APH1B: variants seen among roughly 807,000 people sequenced by gnomAD.
The protein encoded by APH1B is gamma-secretase subunit APH-1B.
APH1B carries 27 observed loss-of-function variants against 28.2 expected under a neutral mutation model. The observed-to-expected ratio is 0.96, with a 90% confidence interval of 0.70 to 1.32. The LOEUF (loss-of-function observed/expected upper bound fraction) is 1.32. Ranked by LOEUF, APH1B falls within the 40% of genes most tolerant of loss-of-function variation. The probability of loss-of-function intolerance (pLI) is 0.00; values close to 1 mark genes in which losing one functional copy is unlikely to be tolerated. For missense variants in APH1B, 305 were observed against 313.6 expected (o/e 0.97, Z 0.21); for synonymous variants, 141 against 124.6 (o/e 1.13, Z -0.88).
At chr15:63,287,792 A>G (rs896790621) in intron 4 of APH1B, among the ~76,000 whole-genome samples, 2 of 152,320 alleles carry the variant, frequency 1.3e-5, no homozygotes, top group East Asian at 1.9e-4. Context: ...ATGTTGCTAT[A>G]TAGTTGAAAT....
Position 63,277,685 on chromosome 15 carries a change from A to C in APH1B, c.62A>C (p.Tyr21Ser), listed in dbSNP as rs771874718. Reference protein sequence around the residue: ...FIAFGPALALYVFTIATEPLR... With the variant: ...FIAFGPALALSVFTIATEPLR... ...GCCTTCGGGCCTGCGCTCGCCCTTT[A>C]TGTCTTCACCATCGCCACCGAGCCG... The change falls in exon 1 of 6, where the codon TAT becomes TCT. Residue 21 changes from tyrosine to serine, a missense_variant. Tyr to Ser is a moderately radical substitution (Grantham distance 144). Transcript: ENST00000261879. 1.2e-6 allele frequency: 2 copies of C among 1,609,862 alleles called. No individual in the cohort carries two copies. Among genetic ancestry groups the C allele is most frequent in the Middle Eastern group, 1.7e-4 (1 of 6,044 alleles).
rs201001870 is a variant in APH1B at position 63,302,485 on chromosome 15, G to A, written c.606+13G>A. 493 of 1,611,242 alleles carry A rather than the reference G, an allele frequency of 3.1e-4. 2 individuals are homozygous for A. The highest frequency in any genetic ancestry group is 6.8e-4 in the Middle Eastern group (4 of 5,872). ...GGTGTCAGCCCAGGTGAGTGTTGCCGCCATGCTCAGACTGTATTCTGGAAC... is the reference window on the plus strand; with the variant it reads ...GGTGTCAGCCCAGGTGAGTGTTGCCACCATGCTCAGACTGTATTCTGGAAC... On this transcript the variant is annotated intron_variant, in intron 5 of 5. Transcript: ENST00000261879.
At chr15:63,289,857 A>G (rs1171920666) in intron 4 of APH1B, among the ~76,000 whole-genome samples, 1 of 152,196 alleles carries the variant, frequency 6.6e-6, no homozygotes, top group African/African-American at 2.4e-5. Context: ...TAAAAAATTC[A>G]GCTGGGTATG....
chr15:63,305,090 A>G (rs564528651), intron 5 of APH1B, among the ~76,000 whole-genome samples: 2 of 152,326 alleles, frequency 1.3e-5, no homozygotes, highest in South Asian at 4.1e-4. Flanking sequence ...CTCCCTTACT[A>G]GTACAGAACC....
intron 2 of APH1B, among the ~76,000 whole-genome samples, chr15:63,283,936 A>G (rs1483700967): frequency 2.6e-5 from 4 of 152,240 alleles, no homozygotes; most frequent in Admixed American, 2.0e-4. Flanking sequence ...CCATTTATTA[A>G]AAGACCATCT....
chr15:63,287,327 C>G (rs1307966283), intron 3 of APH1B, 97 bp from the exon 4 acceptor site: 5 of 1,513,384 alleles, frequency 3.3e-6, no homozygotes, highest in Non-Finnish European at 4.5e-6. Context: ...CATAAGCACC[C>G]TTTCCCCTCC....
chr15:63,282,809 A>G (rs1289921428), intron 2 of APH1B, among the ~76,000 whole-genome samples: 1 of 152,240 alleles, frequency 6.6e-6, no homozygotes, highest in Non-Finnish European at 1.5e-5. Flanking sequence ...ACTTTTAAGC[A>G]GCGTGTCTAT....
chr15:63,284,801 CTCT>C (rs1368891038), intron 2 of APH1B, among the ~76,000 whole-genome samples: 1 of 152,254 alleles, frequency 6.6e-6, no homozygotes, highest in African/African-American at 2.4e-5. Context: ...CCTCCTCCCA[CTCT>C]AGTCTCAACT....
Position 63,306,127 on chromosome 15 carries a change from G to A in APH1B, c.*346G>A. 1 of 199,254 alleles carries A rather than the reference G, an allele frequency of 5.0e-6. No individual in the cohort carries two copies. The highest frequency in any genetic ancestry group is 1.0e-5 in the Non-Finnish European group (1 of 97,780). The allele number at this position is 199,254 out of a possible 1,614,324, so 12.3% of individuals were successfully genotyped here. Reference sequence around the variant, plus strand: ...CCACTGGTTTGGTATCCAAATAGGAGCTTCCTGAGAACACCTTAAGTGGAT... The same window carrying A: ...CCACTGGTTTGGTATCCAAATAGGAACTTCCTGAGAACACCTTAAGTGGAT... On this transcript the variant is annotated 3_prime_UTR_variant, in exon 6 of 6. Transcript: ENST00000261879.
chr15:63,282,572 T>C lies in APH1B; in HGVS notation c.284+3241T>C, dbSNP rs181794682. Among the ~76,000 whole-genome samples, 58 of 152,266 alleles carry C rather than the reference T, an allele frequency of 3.8e-4. No individual in the cohort carries two copies. The East Asian group carries it at 9.3e-3, about 24-fold the overall frequency. On this transcript the variant is annotated intron_variant, in intron 2 of 5. Transcript: ENST00000261879. The stretch of plus-strand genomic sequence containing the variant: ...TTATGTTGCTTAAAATATAATCATA[T>C]TTTGCCAAAAACATACAGTTTAGAC...
chr15:63,280,672 C>A (rs117497186), intron 2 of APH1B, among the ~76,000 whole-genome samples: 1,580 of 152,268 alleles, frequency 0.01, 12 homozygotes, highest in Non-Finnish European at 0.017. Flanking sequence ...AAATGAAATT[C>A]CCATTAGTAC....
In APH1B at chr15:63,305,766, C is replaced by T. The variant is rs142542012; in HGVS notation, c.759C>T (p.Asn253=). ...AAGACAAGAACTTTCTTCTTTACAA[C>T]CAGCGCTCCAGATAACCTCAGGGAA... is the stretch of plus-strand genomic sequence containing the variant. The part of the protein sequence containing the change: ...LCQDKNFLLY[N]QRSR The change falls in exon 6 of 6, where the codon AAC becomes AAT. Residue 253 remains asparagine, a synonymous_variant. Transcript: ENST00000261879. 7 of 1,613,964 alleles carry T rather than the reference C, an allele frequency of 4.3e-6. No homozygotes were observed. Among genetic ancestry groups the T allele is most frequent in the Middle Eastern group, 1.6e-4 (1 of 6,062 alleles).
chr15:63,305,509 A>G (rs2038676862), intron 5 of APH1B, 105 bp from the exon 6 acceptor site: 3 of 1,346,050 alleles, frequency 2.2e-6, no homozygotes, highest in Non-Finnish European at 3.1e-6. Context: ...GGTGAAACAC[A>G]CCCAAGTTCT....
intron 1 of APH1B, 95 bp downstream of exon 1, chr15:63,277,831 C>T: frequency 7.3e-6 from 9 of 1,236,640 alleles, no homozygotes; most frequent in Non-Finnish European, 1.0e-5. Flanking sequence ...GCGGCTCGAC[C>T]TTGTTGCGTT....
At chr15:63,290,602 G>C (rs1055249809) in intron 4 of APH1B, among the ~76,000 whole-genome samples, 4 of 152,218 alleles carry the variant, frequency 2.6e-5, no homozygotes, top group African/African-American at 9.6e-5. Context: ...GTGAAATGAG[G>C]AAGAGCCATG....
intron 2 of APH1B, 40 bp downstream of exon 2, chr15:63,279,371 A>G (rs2038361455): frequency 1.3e-6 from 2 of 1,551,058 alleles, no homozygotes; most frequent in Admixed American, 1.7e-5. Flanking sequence ...TTCCCCAGTT[A>G]GATTTTAGTT....
chr15:63,292,970 C>T (rs1360053690), intron 4 of APH1B, among the ~76,000 whole-genome samples: 3 of 152,080 alleles, frequency 2.0e-5, no homozygotes, highest in African/African-American at 7.2e-5. Context: ...TGTTTCAGGC[C>T]ACACTGAATC....
rs1460749677 is a variant in APH1B at position 63,309,024 on chromosome 15, T to C, written c.*3243T>C. ...ATTTTATATGTTATACCATGTCATA[T>C]ATACTTGCAATATCAGACCTTGCAT... On this transcript the variant is annotated 3_prime_UTR_variant, in exon 6 of 6. Coordinates refer to ENST00000261879, the MANE Select transcript of APH1B (RefSeq NM_031301.4). 6.6e-5 allele frequency: 10 copies of C among 152,374 alleles called. No homozygotes were observed. Among genetic ancestry groups the C allele is most frequent in the Admixed American group, 3.9e-4 (6 of 15,304 alleles). 9.4% of individuals were successfully genotyped at this position (152,374 alleles called of 1,614,324 possible). A position where few individuals can be genotyped will look rare whatever the true frequency, so the allele number is the denominator to read the frequency against.
At chr15:63,287,569 C>T in intron 4 of APH1B, 23 bp downstream of exon 4, 3 of 1,611,000 alleles carry the variant, frequency 1.9e-6, no homozygotes, top group South Asian at 2.2e-5. Flanking sequence ...TAGCTGTCAA[C>T]ATTCAGGCTT....
Sources: allele counts gnomAD v4.1 joint callset (sites outside exome capture counted in the v4.1 genomes callset), GRCh38; gene constraint gnomAD v4.1.1; transcripts MANE v1.5; gene names NCBI Gene and HGNC (gene_info 2026-07-23, HGNC 2026-07-21).